The following BDP1 variants were observed in gnomAD, a reference collection of about 807,000 sequenced individuals.
BDP1 encodes transcription factor TFIIIB component B'' homolog.
In BDP1, 169 loss-of-function variants were observed where a neutral mutation model predicts 266.6. The ratio of observed to expected loss-of-function variants is 0.63; its 90% CI spans 0.56 to 0.72. The LOEUF (loss-of-function observed/expected upper bound fraction) is 0.72, where lower values mean the gene tolerates loss of function less well. Among genes scored for constraint, BDP1 ranks in the 30% least tolerant of loss-of-function variants. The probability of loss-of-function intolerance (pLI) is 0.00; values close to 1 mark genes in which losing one functional copy is unlikely to be tolerated. For missense variants in BDP1, 3,015 were observed against 3,053.8 expected (o/e 0.99, Z 0.30); for synonymous variants, 1,090 against 1,022.4 (o/e 1.07, Z -1.26).
intron 3 of BDP1, among the ~76,000 whole-genome samples, chr5:71,462,214 C>T (rs1447059351): frequency 6.6e-6 from 1 of 152,136 alleles, no homozygotes; most frequent in South Asian, 2.1e-4. Context: ...CCACCCGCTT[C>T]GGCTTTCCAA....
At chr5:71,502,835 A>T (rs781662356) in intron 15 of BDP1, 44 bp downstream of exon 15, 33 of 1,458,940 alleles carry the variant, frequency 2.3e-5, no homozygotes, top group Non-Finnish European at 2.7e-5. Context: ...AAGCAAGTAC[A>T]TGAGCCTTAA....
chr5:71,502,320 G>A (rs1764301324), intron 14 of BDP1, among the ~76,000 whole-genome samples: 1 of 151,318 alleles, frequency 6.6e-6, no homozygotes, highest in Non-Finnish European at 1.5e-5. Context: ...TATTGCAGGC[G>A]CCCACCACCA....
rs267600674 is a variant in BDP1 at position 71,497,307 on chromosome 5, A to G, written c.1837A>G (p.Arg613Gly). ...AACAGAAAATGTTAAACCAATGTTG[A>G]GAGGTCGCTTCCAAAGACCTAAACC... The part of the protein sequence containing the change: ...DQTENVKPML[R>G]GRFQRPKPNL... The change falls in exon 13 of 39, where the codon AGA (arginine) becomes GGA (glycine). Residue 613 changes from arginine (R) to glycine (G), a missense_variant. This residue lies in a region of BDP1 where 2,383 missense variants were observed against 2,404.9 expected (regional missense o/e 0.99). Transcript: ENST00000358731. The G allele has an allele frequency of 1.9e-6, 3 of 1,613,786 alleles. No homozygotes were observed. The South Asian group carries it at 3.3e-5, about 18-fold the overall frequency.
In BDP1 at chr5:71,502,714, A is replaced by G. The variant is rs36009281; in HGVS notation, c.2164A>G (p.Lys722Glu). 0.075 allele frequency: 120,731 copies of G among 1,613,748 alleles called. 5,069 individuals are homozygous for G. The highest frequency in any genetic ancestry group is 0.086 in the Non-Finnish European group (101,383 of 1,179,802). The part of the protein sequence containing the change: ...KPNAGKAAER[K>E]EILISQEEIG... ...AAATGCAGGTAAAGCTGCTGAAAGA[A>G]AAGAAATTCTCATATCACAGGAAGA... Residue 722 changes from lysine to glutamate, a missense_variant, in exon 15 of 39, where the codon AAA becomes GAA. By Grantham distance (56) the Lys-to-Glu change is moderately conservative. This residue lies in a region of BDP1 where 2,383 missense variants were observed against 2,404.9 expected (regional missense o/e 0.99). Coordinates refer to ENST00000358731, the MANE Select transcript of BDP1 (RefSeq NM_018429.3).
At chr5:71,558,951 C>T (rs895409398) in intron 36 of BDP1, among the ~76,000 whole-genome samples, 5 of 151,996 alleles carry the variant, frequency 3.3e-5, no homozygotes, top group Non-Finnish European at 4.4e-5. Context: ...GTCAGGAGTT[C>T]GGGAGCAGCC....
intron 34 of BDP1, among the ~76,000 whole-genome samples, chr5:71,551,063 A>G (rs565540600): frequency 4.6e-5 from 7 of 151,856 alleles, no homozygotes; most frequent in Non-Finnish European, 8.8e-5. Context: ...ATACTATTAA[A>G]TATTCAGATT....
chr5:71,509,541 A>T lies in BDP1; in HGVS notation c.2449A>T (p.Asn817Tyr). 1 of 1,612,070 alleles carries T rather than the reference A, an allele frequency of 6.2e-7. No individual in the cohort carries two copies. The highest frequency in any genetic ancestry group is 8.5e-7 in the Non-Finnish European group (1 of 1,179,598). Reference sequence around the variant, plus strand: ...GACTCGATTTCAGAAACCAAAGCCAAATATAGGAAGAGGAACTGGAAGGAG... The same window carrying T: ...GACTCGATTTCAGAAACCAAAGCCATATATAGGAAGAGGAACTGGAAGGAG... ...LRTRFQKPKP[N>Y]IGRGTGRREI... The change falls in exon 17 of 39, where the codon AAT becomes TAT. Residue 817 changes from asparagine (N) to tyrosine (Y), a missense_variant. Coordinates refer to ENST00000358731, the MANE Select transcript of BDP1 (RefSeq NM_018429.3).
At chr5:71,552,299 G>A (rs1742866322) in intron 34 of BDP1, among the ~76,000 whole-genome samples, 1 of 151,402 alleles carries the variant, frequency 6.6e-6, no homozygotes, top group South Asian at 2.1e-4. Context: ...TCCTAGATGG[G>A]ATGGTGGCCG....
At chr5:71,554,538 TA>T (rs1338936046) in intron 35 of BDP1, among the ~76,000 whole-genome samples, 1 of 152,244 alleles carries the variant, frequency 6.6e-6, no homozygotes, top group East Asian at 1.9e-4. Context: ...TTCAATAATT[TA>T]TCAGCATTCC....
chr5:71,539,083 CTG>C lies in BDP1; in HGVS notation c.5929+7_5929+8del, dbSNP rs771368968. On this transcript the variant is annotated splice_donor_region_variant and intron_variant, in intron 27 of 38. Transcript: ENST00000358731. The stretch of plus-strand genomic sequence containing the variant: ...AACATATCCAAGATGAACCAGGTAA[CTG>C]TTATCAAGGAAACTGCTAAGACTAC... The C allele has an allele frequency of 6.9e-6, 11 of 1,599,036 alleles. No individual in the cohort carries two copies. The highest frequency in any genetic ancestry group is 7.7e-6 in the Non-Finnish European group (9 of 1,170,692).
chr5:71,541,129 G>GTAC (rs1444292488), intron 28 of BDP1, among the ~76,000 whole-genome samples: 3 of 48,136 alleles, frequency 6.2e-5, no homozygotes, highest in Non-Finnish European at 1.5e-4. Flanking sequence ...AATGCTGACA[G>GTAC]TGCTGTCTTG....
chr5:71,553,376 G>GAGTGGTACTTAATATA, intron 35 of BDP1, 56 bp downstream of exon 35: 11 of 1,228,574 alleles, frequency 9.0e-6, no homozygotes, highest in South Asian at 3.9e-5. Context: ...TGGCCATATT[G>GAGTGGTACTTAATATA]CAACAGATCT....
chr5:71,523,721 T>C (rs1476027460), intron 24 of BDP1, among the ~76,000 whole-genome samples: 1 of 152,246 alleles, frequency 6.6e-6, no homozygotes, highest in Non-Finnish European at 1.5e-5. Context: ...AAAAACTTAC[T>C]ATGAAAAATT....
At chr5:71,513,610 C>T (rs150622341) in intron 19 of BDP1, among the ~76,000 whole-genome samples, 9 of 152,066 alleles carry the variant, frequency 5.9e-5, no homozygotes, top group Middle Eastern at 3.4e-3. Context: ...AATGGGCAAA[C>T]GTGTTGTGGG....
chr5:71,487,342 C>T lies in BDP1; in HGVS notation c.1213+715C>T, dbSNP rs375036524. ...CTGCAAGCTCCGCCTTCCGGGTTCA[C>T]GCCATTCTCCTGCCTCAGCCTCCCG... On this transcript the variant is annotated intron_variant, in intron 9 of 38. Transcript: ENST00000358731. 4.6e-5 allele frequency among the ~76,000 whole-genome samples: 7 copies of T among 152,044 alleles called. No homozygotes were observed. The East Asian group carries it at 1.2e-3, about 25-fold the overall frequency.
chr5:71,534,539 G>A (rs1020716578), intron 26 of BDP1, among the ~76,000 whole-genome samples: 2 of 151,912 alleles, frequency 1.3e-5, no homozygotes, highest in Middle Eastern at 3.4e-3. Flanking sequence ...CTCGTCTGTC[G>A]CCCAGGATGG....
rs201246625 is a variant in BDP1 at position 71,461,749 on chromosome 5, A to C, written c.490-68A>C. 68 of 879,110 alleles carry C rather than the reference A, an allele frequency of 7.7e-5. No homozygotes were observed. In the East Asian group the frequency reaches 1.6e-3, roughly 21 times the overall value. 54.5% of individuals were successfully genotyped at this position (879,110 alleles called of 1,614,324 possible). ...CAGTGAACGCAACAGTGGACTGTAT[A>C]TTTGCATATAGTACATCTGAAATTC... is the stretch of plus-strand genomic sequence containing the variant. On this transcript the variant is annotated intron_variant, in intron 2 of 38. Coordinates refer to ENST00000358731, the MANE Select transcript of BDP1 (RefSeq NM_018429.3).
intron 32 of BDP1, among the ~76,000 whole-genome samples, chr5:71,547,929 C>T (rs1454603074): frequency 5.9e-5 from 9 of 151,876 alleles, no homozygotes; most frequent in African/African-American, 1.5e-4. Flanking sequence ...GCACTCCAGC[C>T]TGGCGACAGA....
downstream of BDP1, among the ~76,000 whole-genome samples, chr5:71,571,018 C>T (rs986962554): frequency 2.6e-5 from 4 of 152,048 alleles, no homozygotes; most frequent in East Asian, 5.8e-4. Context: ...ACAAATAATA[C>T]AAATAAAAAA....
Sources: allele counts gnomAD v4.1 joint callset (sites outside exome capture counted in the v4.1 genomes callset), GRCh38; gene constraint gnomAD v4.1.1; regional missense constraint gnomAD v4.1.1; transcripts MANE v1.5; gene names NCBI Gene and HGNC (gene_info 2026-07-23, HGNC 2026-07-21).